Variants in SUMF1 observed in about 807,000 individuals in gnomAD.
SUMF1 encodes the protein sulfatase modifying factor 1.
A neutral mutation model predicts 47.6 loss-of-function variants in SUMF1; 48 were observed. The observed-to-expected ratio is 1.01, with a 90% CI of 0.80 to 1.28. The LOEUF is 1.28. Ranked by LOEUF, SUMF1 falls within the 50% of genes most tolerant of loss-of-function variation. The pLI is 0.00. For missense variants in SUMF1, 571 were observed against 485.4 expected, an observed-to-expected ratio of 1.18 and a Z score of -1.66; for synonymous variants, 230 against 192.1, an observed-to-expected ratio of 1.20 and a Z score of -1.63.
chr3:4,312,313 A>G (rs1698437307), intron 8 of SUMF1, among the ~76,000 whole-genome samples: 1 of 152,184 alleles, frequency 6.6e-6, no homozygotes, highest in Non-Finnish European at 1.5e-5. Context: ...GTACTCAGAC[A>G]CTAAATTCAG....
At chr3:4,337,099 C>T (rs1333920713) in intron 8 of SUMF1, among the ~76,000 whole-genome samples, 1 of 152,182 alleles carries the variant, frequency 6.6e-6, no homozygotes, top group Non-Finnish European at 1.5e-5. Flanking sequence ...TATTCCATCT[C>T]TTATGATTCT....
chr3:4,204,397 T>C (rs1387617660), intron 8 of SUMF1, among the ~76,000 whole-genome samples: 3 of 152,144 alleles, frequency 2.0e-5, no homozygotes, highest in Non-Finnish European at 4.4e-5. Context: ...CTTGCTGCTT[T>C]TAGGATCCAT....
intron 8 of SUMF1, among the ~76,000 whole-genome samples, chr3:4,340,371 T>G (rs1699245876): frequency 6.6e-6 from 1 of 152,208 alleles, no homozygotes; most frequent in Admixed American, 6.5e-5. Flanking sequence ...GTGTCGTCTT[T>G]TCCTGAGCTG....
At chr3:4,192,447 G>A (rs1287879598) in intron 8 of SUMF1, among the ~76,000 whole-genome samples, 1 of 151,564 alleles carries the variant, frequency 6.6e-6, no homozygotes, top group Non-Finnish European at 1.5e-5. Context: ...AACATATAAT[G>A]TTTATATTTT....
intron 8 of SUMF1, among the ~76,000 whole-genome samples, chr3:4,134,679 A>C (rs1262926871): frequency 6.6e-6 from 1 of 152,162 alleles, no homozygotes; most frequent in Non-Finnish European, 1.5e-5. Context: ...TAACGAATCC[A>C]GGAGCTGGTT....
intron 8 of SUMF1, among the ~76,000 whole-genome samples, chr3:4,304,366 T>G (rs112737997): frequency 1.2e-3 from 183 of 152,296 alleles, no homozygotes; most frequent in African/African-American, 4.0e-3. Flanking sequence ...GGTCTCGAAC[T>G]CCCAACCTCA....
At chr3:4,454,699 A>G (rs1429361715) in intron 1 of SUMF1, among the ~76,000 whole-genome samples, 1 of 152,270 alleles carries the variant, frequency 6.6e-6, no homozygotes, top group African/African-American at 2.4e-5. Flanking sequence ...CTGATGAATA[A>G]GTAAACAAAA....
At chr3:4,313,181 A>G in intron 8 of SUMF1, 2 of 1,614,088 alleles carry the variant, frequency 1.2e-6, no homozygotes, top group Non-Finnish European at 1.7e-6. Flanking sequence ...TTCAAGACGC[A>G]TAAAAAAGGC....
At chr3:4,315,176 A>G (rs1559219602) in intron 8 of SUMF1, among the ~76,000 whole-genome samples, 2 of 152,200 alleles carry the variant, frequency 1.3e-5, no homozygotes, top group South Asian at 4.1e-4. Flanking sequence ...CTCCATGCCA[A>G]CTGTCCTCTA....
chr3:4,357,671 C>T (rs1402545968), downstream of SUMF1, among the ~76,000 whole-genome samples: 4 of 151,772 alleles, frequency 2.6e-5, 1 homozygote, highest in South Asian at 8.3e-4. Context: ...TGCAATGGCG[C>T]GATCTCGGCT....
rs77674360 is a variant in SUMF1, at chr3:4,054,797, T to C, written c.1191+13772A>G. On this transcript the variant is annotated intron_variant and NMD_transcript_variant, in intron 9 of 12. Transcript: ENST00000448413. Reference sequence around the variant, plus strand: ...CAACATCTTTTAACAGATATTGAGCTGTTAATTTGCACCAGCACTGTGCTA... The same window carrying C: ...CAACATCTTTTAACAGATATTGAGCCGTTAATTTGCACCAGCACTGTGCTA... Among the ~76,000 whole-genome samples, 795 of 152,296 alleles carry C rather than the reference T, an allele frequency of 5.2e-3. 9 individuals are homozygous for C. Among genetic ancestry groups the C allele is most frequent in the African/African-American group, 0.018 (728 of 41,560 alleles).
chr3:4,148,500 T>C (rs1307998590), intron 8 of SUMF1, among the ~76,000 whole-genome samples: 1 of 152,158 alleles, frequency 6.6e-6, no homozygotes, highest in African/African-American at 2.4e-5. Flanking sequence ...AAGTGGTTAT[T>C]TTCTTATTCC....
chr3:4,448,248 A>G (rs960190458), intron 3 of SUMF1, among the ~76,000 whole-genome samples: 5 of 152,102 alleles, frequency 3.3e-5, no homozygotes, highest in African/African-American at 4.8e-5. Context: ...ACATTTTTCT[A>G]TATTAAAGAG....
chr3:4,136,768 T>C, intron 8 of SUMF1, among the ~76,000 whole-genome samples: 1 of 149,250 alleles, frequency 6.7e-6, no homozygotes, highest in African/African-American at 2.5e-5. Flanking sequence ...CTCAAACAAA[T>C]TTACAAGAAA....
chr3:4,269,093 C>G (rs1420993989), intron 8 of SUMF1, among the ~76,000 whole-genome samples: 1 of 152,078 alleles, frequency 6.6e-6, no homozygotes, highest in Non-Finnish European at 1.5e-5. Flanking sequence ...AGTGATGATC[C>G]TTGCCTCATA....
At chr3:4,465,098 T>C (rs889637239) in intron 1 of SUMF1, among the ~76,000 whole-genome samples, 9 of 152,230 alleles carry the variant, frequency 5.9e-5, no homozygotes, top group Non-Finnish European at 1.2e-4. Flanking sequence ...GATAAAATTT[T>C]GAGACAGACC....
chr3:4,354,719 C>T (rs1699580478), intron 8 of SUMF1, among the ~76,000 whole-genome samples: 1 of 152,190 alleles, frequency 6.6e-6, no homozygotes, highest in African/African-American at 2.4e-5. Flanking sequence ...TTGTCCTCTT[C>T]TCTGTGGCTG....
chr3:4,133,836 C>A (rs1014013027), intron 8 of SUMF1, among the ~76,000 whole-genome samples: 9 of 151,876 alleles, frequency 5.9e-5, no homozygotes, highest in African/African-American at 2.2e-4. Flanking sequence ...TAGTTCTGTC[C>A]CTCTAGAGAA....
intron 8 of SUMF1, among the ~76,000 whole-genome samples, chr3:4,139,289 A>G (rs1387364761): frequency 6.6e-6 from 1 of 151,970 alleles, no homozygotes; most frequent in African/African-American, 2.4e-5. Flanking sequence ...ATCAGTCATT[A>G]TTATAAATGA....
Sources: gnomAD v4.1 joint callset for allele counts (sites outside exome capture counted in the v4.1 genomes callset) on GRCh38, gnomAD v4.1.1 for gene constraint, MANE v1.5 for transcripts, NCBI Gene and HGNC (gene_info 2026-07-23, HGNC 2026-07-21) for gene names.